Variants in PCDHGA1 observed in about 807,000 individuals in gnomAD.
PCDHGA1 encodes the protein protocadherin gamma-A1.
In PCDHGA1, 32 loss-of-function variants were observed where a neutral mutation model predicts 58.0. The observed-to-expected ratio is 0.55, with a 90% CI of 0.42 to 0.74. The LOEUF is 0.74. Among genes scored for constraint, PCDHGA1 ranks in the 30% least tolerant of loss-of-function variants. The probability of loss-of-function intolerance (pLI) is 0.00; values close to 1 mark genes in which losing one functional copy is unlikely to be tolerated. For synonymous variants in PCDHGA1, 498 were observed against 501.1 expected (o/e 0.99, Z 0.08); for missense variants, 1,205 against 1,182.3 (o/e 1.02, Z -0.28).
chr5:141,332,442 C>A lies in PCDHGA1; in HGVS notation c.1758C>A (p.Tyr586Ter). ...ELAPLSAEPGYLVTKVVAVDR... is the reference protein window; with the variant it reads ...ELAPLSAEPG ...CGCCCCTCTCCGCAGAGCCCGGCTA[C>A]CTGGTGACCAAGGTGGTGGCGGTGG... The change falls in exon 1 of 4, where the codon TAC (tyrosine) becomes TAA (stop). Residue 586 changes from tyrosine to a stop codon, truncating the protein, a stop_gained. Coordinates refer to ENST00000517417, the MANE Select transcript of PCDHGA1 (RefSeq NM_018912.3). LOFTEE classifies it high-confidence loss of function. The surrounding 1 kb of genome is among the most constrained non-coding windows in gnomAD (Gnocchi z 4.6). 1 of 1,614,012 alleles carries A rather than the reference C, an allele frequency of 6.2e-7. No individual in the cohort carries two copies. Among genetic ancestry groups the A allele is most frequent in the Non-Finnish European group, 8.5e-7 (1 of 1,180,042 alleles).
intron 1 of PCDHGA1, among the ~76,000 whole-genome samples, chr5:141,474,120 T>C (rs2099343213): frequency 6.6e-6 from 1 of 151,910 alleles, no homozygotes; most frequent in Non-Finnish European, 1.5e-5. Flanking sequence ...ACAACGAAAA[T>C]CTCAGAAAAC....
chr5:141,361,237 T>C (rs1419156322), intron 1 of PCDHGA1: 4 of 1,613,848 alleles, frequency 2.5e-6, no homozygotes, highest in Non-Finnish European at 3.4e-6. Context: ...AGTGATCGCC[T>C]TGATAAAAAC....
chr5:141,350,802 A>C (rs1474398479), intron 1 of PCDHGA1: 3 of 1,614,024 alleles, frequency 1.9e-6, no homozygotes, highest in Non-Finnish European at 2.5e-6. Flanking sequence ...TCAACGAAGG[A>C]AAGTCCTGAT....
rs2095330785 is a variant in PCDHGA1 at position 141,409,884 on chromosome 5, G to C, written c.2421+76779G>C. The C allele has an allele frequency of 1.9e-6, 3 of 1,612,952 alleles. No individual in the cohort carries two copies. In the South Asian group the frequency reaches 3.3e-5, roughly 18 times the overall value. On this transcript the variant is annotated intron_variant, in intron 1 of 3. Transcript: ENST00000517417. ...GGAGACCGCAATGACAACGCACCGC[G>C]GGTGCTGTACCCAGCTCTGGGTCCT...
chr5:141,404,722 G>C (rs1335640902), intron 1 of PCDHGA1: 2 of 1,614,138 alleles, frequency 1.2e-6, no homozygotes, highest in South Asian at 1.1e-5. Flanking sequence ...TGGTGACCAA[G>C]GTGGTGGCAG....
chr5:141,458,551 T>A (rs1019302178), intron 1 of PCDHGA1, among the ~76,000 whole-genome samples: 1 of 148,194 alleles, frequency 6.7e-6, no homozygotes, highest in Non-Finnish European at 1.5e-5. Flanking sequence ...TTTGTTTGTT[T>A]GTTTTGGTTT....
intron 1 of PCDHGA1, among the ~76,000 whole-genome samples, chr5:141,464,913 A>T (rs1035542028): frequency 1.3e-4 from 19 of 151,426 alleles, no homozygotes; most frequent in Admixed American, 1.2e-3. Context: ...TAATTTTTTT[A>T]TTTTTTTGTA....
At chr5:141,362,053 C>T in intron 1 of PCDHGA1, 4 of 1,611,724 alleles carry the variant, frequency 2.5e-6, no homozygotes, top group Non-Finnish European at 3.4e-6. Flanking sequence ...CGCGGCCCGC[C>T]AGCGCCTGCT....
intron 1 of PCDHGA1, chr5:141,371,395 A>G (rs746973366): frequency 5.0e-6 from 8 of 1,614,026 alleles, no homozygotes; most frequent in Non-Finnish European, 5.9e-6. Flanking sequence ...TGTAAAGTAC[A>G]GATAGATATT....
intron 1 of PCDHGA1, chr5:141,418,009 C>G (rs780624400): frequency 6.2e-7 from 1 of 1,613,776 alleles, no homozygotes; most frequent in African/African-American, 1.3e-5. Context: ...TGGGGAACCT[C>G]GCTAAGGATC....
At chr5:141,464,600 C>T (rs970370250) in intron 1 of PCDHGA1, among the ~76,000 whole-genome samples, 24 of 152,118 alleles carry the variant, frequency 1.6e-4, no homozygotes, top group Admixed American at 1.1e-3. Flanking sequence ...CCATAGTCTC[C>T]TTTGCAGAGT....
At chr5:141,402,908 G>A (rs772824235) in intron 1 of PCDHGA1, 1 of 1,545,226 alleles carries the variant, frequency 6.5e-7, no homozygotes, top group Admixed American at 2.0e-5. Context: ...TGATGAAGCA[G>A]CGCGCACAGA....
chr5:141,492,873 C>G (rs2099744714), intron 1 of PCDHGA1, among the ~76,000 whole-genome samples: 1 of 152,182 alleles, frequency 6.6e-6, no homozygotes, highest in Non-Finnish European at 1.5e-5. Context: ...CTCTCAACCC[C>G]CAGAGATACA....
rs1221295650 is a variant in PCDHGA1 at position 141,489,576 on chromosome 5, C to A, written c.2422-5231C>A. 3 of 1,613,936 alleles carry A rather than the reference C, an allele frequency of 1.9e-6. No individual in the cohort carries two copies. Among genetic ancestry groups the A allele is most frequent in the Non-Finnish European group, 2.5e-6 (3 of 1,179,984 alleles). ...TGCCAGTGCAGGTGGTGACTGAACA[C>A]CCCCTGGAGCTAATCCGTGTAGAGG... On this transcript the variant is annotated intron_variant, in intron 1 of 3. Transcript: ENST00000517417. This position sits in a 1 kb window ranked among gnomAD's most constrained non-coding sequence, Gnocchi z 4.5.
rs145813962 is a variant in PCDHGA1 at position 141,377,375 on chromosome 5, G to A, written c.2421+44270G>A. 13 of 152,264 alleles carry A rather than the reference G, an allele frequency of 8.5e-5. No individual in the cohort carries two copies. The East Asian group carries it at 1.2e-3, about 14-fold the overall frequency. The allele number at this position is 152,264 out of a possible 1,614,324, so 9.4% of individuals were successfully genotyped here. ...AATCCCACCTCTTCAGGAGGCTGAG[G>A]CAGGAGGATCCCTTGAGACCAGGAG... On this transcript the variant is annotated intron_variant, in intron 1 of 3. Transcript: ENST00000517417.
At chr5:141,416,846 A>G (rs1412860680) in intron 1 of PCDHGA1, 2 of 152,120 alleles carry the variant, frequency 1.3e-5, no homozygotes, top group Non-Finnish European at 2.9e-5. Flanking sequence ...TTATAATTCC[A>G]TGATTTTTTT....
intron 1 of PCDHGA1, among the ~76,000 whole-genome samples, chr5:141,463,810 A>G (rs1469182885): frequency 6.6e-6 from 1 of 152,178 alleles, no homozygotes; most frequent in Non-Finnish European, 1.5e-5. Context: ...AAAAGCTTTT[A>G]TCACACATTT....
rs373507218 is a variant in PCDHGA1, at chr5:141,331,963, C to T, written c.1279C>T (p.Gln427Ter). The change falls in exon 1 of 4, where the codon CAA becomes TAA. Residue 427 changes from glutamine (Q) to a stop codon, truncating the protein, a stop_gained. Coordinates refer to ENST00000517417, the MANE Select transcript of PCDHGA1 (RefSeq NM_018912.3). LOFTEE classifies it high-confidence loss of function. ...CAACATCACAATAACAGCAATAGACCAAGGAACTCCAGCTCTATCTACTGA... is the reference window on the plus strand; with the variant it reads ...CAACATCACAATAACAGCAATAGACTAAGGAACTCCAGCTCTATCTACTGA... ...GYNITITAID[Q>*]GTPALSTETH... 8.1e-6 allele frequency: 13 copies of T among 1,614,074 alleles called. No individual in the cohort carries two copies. The highest frequency in any genetic ancestry group is 1.6e-4 in the Middle Eastern group (1 of 6,062).
At chr5:141,351,988 C>G in intron 1 of PCDHGA1, 1 of 1,611,428 alleles carries the variant, frequency 6.2e-7, no homozygotes, top group Non-Finnish European at 8.5e-7. Context: ...TGGTGCCACG[C>G]GCCGCAGAGC....
Sources: allele counts gnomAD v4.1 joint callset (sites outside exome capture counted in the v4.1 genomes callset), GRCh38; gene constraint gnomAD v4.1.1; non-coding constraint Gnocchi (gnomAD v3.1); transcripts MANE v1.5; gene names NCBI Gene and HGNC (gene_info 2026-07-23, HGNC 2026-07-21).